OTUD6B: variants seen among roughly 807,000 people sequenced by gnomAD.
OTUD6B encodes the protein deubiquitinase OTUD6B.
A neutral mutation model predicts 36.9 loss-of-function variants in OTUD6B; 41 were observed. The ratio of observed to expected loss-of-function variants is 1.11; its 90% CI spans 0.87 to 1.44. OTUD6B has a LOEUF of 1.44. Among genes scored for constraint, OTUD6B ranks in the 40% most tolerant of loss-of-function variants. The pLI is 0.00. For missense variants in OTUD6B, 356 were observed against 344.8 expected (o/e 1.03, Z -0.26); for synonymous variants, 114 against 114.2 (o/e 1.00, Z 0.01).
At chr8:91,076,252 A>G (rs10088008) in intron 3 of OTUD6B, among the ~76,000 whole-genome samples, 14,485 of 152,102 alleles carry the variant, frequency 0.095, 1,481 homozygotes, top group African/African-American at 0.26. Flanking sequence ...TATGATTTAC[A>G]TGCTATTTTC....
intron 3 of OTUD6B, among the ~76,000 whole-genome samples, chr8:91,077,172 G>T (rs111578514): frequency 2.0e-5 from 3 of 151,674 alleles, no homozygotes; most frequent in Non-Finnish European, 4.4e-5. Flanking sequence ...AGCAGTTTCC[G>T]CTTGAGTGTA....
chr8:91,086,891 A>G lies in OTUD6B; in HGVS notation c.*2023A>G, dbSNP rs1160911147. ...ATGATGATGGTCTAATGGAAGTTAC[A>G]TATGCTTTCTTTTGTCCTAACTCTG... is the stretch of plus-strand genomic sequence containing the variant. On this transcript the variant is annotated 3_prime_UTR_variant, in exon 7 of 7. Coordinates refer to ENST00000404789, the MANE Select transcript of OTUD6B (RefSeq NM_016023.5). 1 of 152,104 alleles carries G rather than the reference A, an allele frequency of 6.6e-6. No homozygotes were observed. Among genetic ancestry groups the G allele is most frequent in the Non-Finnish European group, 1.5e-5 (1 of 67,946 alleles). 9.4% of individuals were successfully genotyped at this position (152,104 alleles called of 1,614,324 possible). A position where few individuals can be genotyped will look rare whatever the true frequency, so the allele number is the denominator to read the frequency against.
chr8:91,084,114 T>C lies in OTUD6B; in HGVS notation c.797T>C (p.Val266Ala). ...TATTCAAAAAAACCACTAATACTTG[T>C]GTAAGTACCTAGACATTTTTACTGT... The part of the protein sequence containing the change: ...EEYSKKPLIL[V>A]YMRHAYGLGE... The change falls in exon 6 of 7, where the codon GTA becomes GCA. Residue 266 changes from valine to alanine, a missense_variant and splice_region_variant. Transcript: ENST00000404789. 1 of 1,442,796 alleles carries C rather than the reference T, an allele frequency of 6.9e-7. No individual in the cohort carries two copies. The highest frequency in any genetic ancestry group is 2.1e-5 in the Admixed American group (1 of 47,706). 89.4% of individuals were successfully genotyped at this position (1,442,796 alleles called of 1,614,324 possible).
Position 91,071,118 on chromosome 8 carries a change from T to C in OTUD6B, c.83-20T>C. The C allele has an allele frequency of 6.2e-7, 1 of 1,611,240 alleles. No homozygotes were observed. On this transcript the variant is annotated intron_variant, in intron 1 of 6. Coordinates refer to ENST00000404789, the MANE Select transcript of OTUD6B (RefSeq NM_016023.5). ...TTTTACTCCTGCGTGTCTGACTTAA[T>C]GATTTTAATGGCTTTTCAGCCAAAA...
chr8:91,078,576 T>G lies in OTUD6B; in HGVS notation c.536T>G (p.Leu179Trp), dbSNP rs777772143. 5 of 1,606,630 alleles carry G rather than the reference T, an allele frequency of 3.1e-6. No homozygotes were observed. In the East Asian group the frequency reaches 8.9e-5, roughly 29 times the overall value. ...GATTGTGCTCTGACTGTGGTTGCCT[T>G]GAGAAGTCAGACCGCTGAGTATATG... ...EKDCALTVVALRSQTAEYMQS... is the reference protein window; with the variant it reads ...EKDCALTVVAWRSQTAEYMQS... The change falls in exon 4 of 7, where the codon TTG becomes TGG. Residue 179 changes from leucine to tryptophan, a missense_variant. Transcript: ENST00000404789.
rs1234777405 is a variant in OTUD6B, at chr8:91,086,167, A to G, written c.*1299A>G. On this transcript the variant is annotated 3_prime_UTR_variant, in exon 7 of 7. Coordinates refer to ENST00000404789, the MANE Select transcript of OTUD6B (RefSeq NM_016023.5). ...GTTTGATGTGTGTTTCCCAAACTAGAGATAAAACTAGTAAGATTTAGTATC... is the reference window on the plus strand; with the variant it reads ...GTTTGATGTGTGTTTCCCAAACTAGGGATAAAACTAGTAAGATTTAGTATC... 4 of 152,098 alleles carry G rather than the reference A, an allele frequency of 2.6e-5. No individual in the cohort carries two copies. The allele number at this position is 152,098 out of a possible 1,614,324, so 9.4% of individuals were successfully genotyped here.
intron 2 of OTUD6B, among the ~76,000 whole-genome samples, chr8:91,071,806 T>G (rs1812705496): frequency 6.6e-6 from 1 of 152,208 alleles, no homozygotes; most frequent in Non-Finnish European, 1.5e-5. Context: ...TATACTTCTT[T>G]ACCTATTTAC....
chr8:91,070,952 T>G, intron 1 of OTUD6B, 186 bp from the exon 2 acceptor site: 1 of 721,190 alleles, frequency 1.4e-6, no homozygotes, highest in Non-Finnish European at 1.7e-6. Context: ...AATGAAGTTT[T>G]TTTTTTTTTT....
chr8:91,078,820 T>G, intron 4 of OTUD6B, 152 bp downstream of exon 4: 1 of 479,626 alleles, frequency 2.1e-6, no homozygotes, highest in Non-Finnish European at 3.7e-6. Context: ...TTCTGTAATT[T>G]TAATAGATGT....
At position 91,070,398 on chromosome 8, in the gene OTUD6B, T is replaced by C; in HGVS notation, c.14T>C (p.Leu5Ser). ...TACCTGGTCGTCATGGAGGCGGTAT[T>C]GACCGAAGAGCTTGATGAGGAAGAG... is the stretch of plus-strand genomic sequence containing the variant. MEAV[L>S]TEELDEEEQL... The change falls in exon 1 of 7, where the codon TTG becomes TCG. Residue 5 changes from leucine (L) to serine (S), a missense_variant. Physicochemically the swap from Leu to Ser is moderately radical, Grantham distance 145 (BLOSUM62 -2). Coordinates refer to ENST00000404789, the MANE Select transcript of OTUD6B (RefSeq NM_016023.5). 1 of 1,606,926 alleles carries C rather than the reference T, an allele frequency of 6.2e-7. No homozygotes were observed. Among genetic ancestry groups the C allele is most frequent in the South Asian group, 1.1e-5 (1 of 89,588 alleles).
At position 91,080,698 on chromosome 8, in the gene OTUD6B, G is replaced by A. The variant is rs143121527; in HGVS notation, c.658G>A (p.Val220Ile). 2.6e-3 allele frequency: 4,223 copies of A among 1,604,256 alleles called. 11 individuals carry two copies. Among genetic ancestry groups the A allele is most frequent in the Non-Finnish European group, 3.3e-3 (3,914 of 1,174,650 alleles). The change falls in exon 5 of 7, where the codon GTA (valine) becomes ATA (isoleucine). Residue 220 changes from valine to isoleucine, a missense_variant. Val to Ile is a conservative substitution (Grantham distance 29). Transcript: ENST00000404789. ...EEFQKYCEDI[V>I]NTAAWGGQLE... is the part of the protein sequence containing the mutation. ...ATTTCAGAAGTACTGTGAAGATATT[G>A]TAAACACAGCTGCATGGGGAGGTCA... is the stretch of plus-strand genomic sequence containing the variant.
At chr8:91,073,666 A>G in intron 2 of OTUD6B, 165 bp from the exon 3 acceptor site, 1 of 684,950 alleles carries the variant, frequency 1.5e-6, no homozygotes, top group African/African-American at 1.9e-5. Flanking sequence ...CTTCTTGGGA[A>G]CTTGTCAAAT....
chr8:91,078,762 G>A lies in OTUD6B; in HGVS notation c.628+94G>A, dbSNP rs564872381. The A allele has an allele frequency of 6.8e-6, 5 of 734,526 alleles. No homozygotes were observed. In the South Asian group the frequency reaches 1.3e-4, roughly 19 times the overall value. 45.5% of individuals were successfully genotyped at this position (734,526 alleles called of 1,614,324 possible). On this transcript the variant is annotated intron_variant, in intron 4 of 6. Transcript: ENST00000404789. Reference sequence around the variant, plus strand: ...CAGCACTGAGCGTAAGAAGAACCCAGATGATCCTTATGAGGAAAAAACATC... The same window carrying A: ...CAGCACTGAGCGTAAGAAGAACCCAAATGATCCTTATGAGGAAAAAACATC...
Position 91,084,886 on chromosome 8 carries a change from A to G in OTUD6B, c.*18A>G. On this transcript the variant is annotated 3_prime_UTR_variant, in exon 7 of 7. Coordinates refer to ENST00000404789, the MANE Select transcript of OTUD6B (RefSeq NM_016023.5). Reference sequence around the variant, plus strand: ...GCAGCTAATTTATACAATGTTGTACAATTATGTTTTAATACAGTGTGCTGA... The same window carrying G: ...GCAGCTAATTTATACAATGTTGTACGATTATGTTTTAATACAGTGTGCTGA... The G allele has an allele frequency of 7.6e-7, 1 of 1,318,522 alleles. No individual in the cohort carries two copies. Among genetic ancestry groups the G allele is most frequent in the Non-Finnish European group, 1.1e-6 (1 of 938,766 alleles). The allele number at this position is 1,318,522 out of a possible 1,614,324, so 81.7% of individuals were successfully genotyped here.
Position 91,080,665 on chromosome 8 carries a change from A to G in OTUD6B, c.629-4A>G, listed in dbSNP as rs1812886317. 1.3e-6 allele frequency: 2 copies of G among 1,597,384 alleles called. No homozygotes were observed. The highest frequency in any genetic ancestry group is 1.7e-6 in the Non-Finnish European group (2 of 1,170,734). On this transcript the variant is annotated splice_polypyrimidine_tract_variant and splice_region_variant and intron_variant, in intron 4 of 6. Coordinates refer to ENST00000404789, the MANE Select transcript of OTUD6B (RefSeq NM_016023.5). ...AGTGCTGTATTCTGACCTAATCTCT[A>G]CAGAAGAATTTCAGAAGTACTGTGA... is the stretch of plus-strand genomic sequence containing the variant.
At chr8:91,073,760 A>G in intron 2 of OTUD6B, 71 bp from the exon 3 acceptor site, 2 of 1,456,216 alleles carry the variant, frequency 1.4e-6, no homozygotes, top group South Asian at 1.3e-5. Context: ...GAAATGTGGG[A>G]TTAGATATAT....
At chr8:91,078,852 G>A in intron 4 of OTUD6B, 184 bp downstream of exon 4, 1 of 434,320 alleles carries the variant, frequency 2.3e-6, no homozygotes, top group Non-Finnish European at 4.1e-6. Context: ...TCTCTATTAA[G>A]ATTTCTTAAT....
At position 91,084,849 on chromosome 8, in the gene OTUD6B, T is replaced by C; in HGVS notation, c.863T>C (p.Val288Ala). The C allele has an allele frequency of 6.4e-7, 1 of 1,560,470 alleles. No homozygotes were observed. Among genetic ancestry groups the C allele is most frequent in the Non-Finnish European group, 8.8e-7 (1 of 1,139,392 alleles). ...TCGGTTACACGGTTGGTAAACATAG[T>C]TACTGAAAATTGCAGCTAATTTATA... ...YNSVTRLVNI[V>A]TENCS The change falls in exon 7 of 7, where the codon GTT becomes GCT. Residue 288 changes from valine (V) to alanine (A), a missense_variant. Transcript: ENST00000404789.
chr8:91,076,998 A>C (rs1812814450), intron 3 of OTUD6B, among the ~76,000 whole-genome samples: 1 of 152,092 alleles, frequency 6.6e-6, no homozygotes, highest in Non-Finnish European at 1.5e-5. Flanking sequence ...CATGACAATA[A>C]GTTTAATTGA....
Sources: gnomAD v4.1 joint callset for allele counts (sites outside exome capture counted in the v4.1 genomes callset) on GRCh38, gnomAD v4.1.1 for gene constraint, MANE v1.5 for transcripts, NCBI Gene and HGNC (gene_info 2026-07-23, HGNC 2026-07-21) for gene names.